Variants in ROBO2 observed in about 807,000 individuals in gnomAD.
The protein encoded by ROBO2 is roundabout guidance receptor 2, also known as roundabout homolog 2.
ROBO2 carries 53 observed loss-of-function variants against 160.8 expected under a neutral mutation model. That is an observed-to-expected ratio of 0.33 (90% CI 0.26 to 0.41). ROBO2 has a LOEUF of 0.41. Among genes scored for constraint, ROBO2 ranks in the 10% least tolerant of loss-of-function variants. The probability of loss-of-function intolerance (pLI) is 1.00; values close to 1 mark genes in which losing one functional copy is unlikely to be tolerated. For synonymous variants in ROBO2, 664 were observed against 611.7 expected (o/e 1.09, Z -1.26); for missense variants, 1,577 against 1,722.4 (o/e 0.92, Z 1.49).
intron 2 of ROBO2, among the ~76,000 whole-genome samples, chr3:77,182,342 A>G (rs552414221): frequency 8.3e-4 from 126 of 152,226 alleles, no homozygotes; most frequent in African/African-American, 2.9e-3. Context: ...AAAAGTATAC[A>G]CAAGTTCCTT....
intron 2 of ROBO2, among the ~76,000 whole-genome samples, chr3:76,329,045 A>G (rs908169241): frequency 6.6e-6 from 1 of 151,788 alleles, no homozygotes; most frequent in Non-Finnish European, 1.5e-5. Flanking sequence ...GGGTCCCCAA[A>G]GGAGGCAACA....
intron 5 of ROBO2, among the ~76,000 whole-genome samples, chr3:77,503,055 A>G (rs2087854748): frequency 6.6e-6 from 1 of 152,104 alleles, no homozygotes; most frequent in African/African-American, 2.4e-5. Context: ...ATATTTTAAA[A>G]TAATTTAAAT....
At chr3:77,293,695 G>C (rs1267200091) in intron 2 of ROBO2, among the ~76,000 whole-genome samples, 1 of 141,336 alleles carries the variant, frequency 7.1e-6, no homozygotes, top group East Asian at 2.0e-4. Context: ...GGAAGTTGAG[G>C]CTAGAACAGT....
intron 2 of ROBO2, among the ~76,000 whole-genome samples, chr3:76,986,219 G>A (rs72902037): frequency 2.0e-5 from 3 of 151,978 alleles, no homozygotes; most frequent in Admixed American, 6.6e-5. Context: ...TATATAGTAC[G>A]CATTGATCGA....
intron 1 of ROBO2, among the ~76,000 whole-genome samples, chr3:77,087,368 A>AT (rs990544001): frequency 5.3e-5 from 8 of 152,184 alleles, no homozygotes; most frequent in Non-Finnish European, 1.0e-4. Flanking sequence ...AACAAGCCAG[A>AT]TTTTAAAGCT....
intron 2 of ROBO2, among the ~76,000 whole-genome samples, chr3:76,081,632 T>G (rs564844869): frequency 6.6e-6 from 1 of 152,252 alleles, no homozygotes; most frequent in African/African-American, 2.4e-5. Context: ...CAGAGAAATT[T>G]TCCATCAGAA....
chr3:76,402,919 C>G (rs551299453), intron 2 of ROBO2, among the ~76,000 whole-genome samples: 2 of 151,714 alleles, frequency 1.3e-5, no homozygotes, highest in South Asian at 4.1e-4. Flanking sequence ...TGCAAAGTCC[C>G]TCTTACTATG....
intron 2 of ROBO2, among the ~76,000 whole-genome samples, chr3:76,718,828 C>G (rs1407020286): frequency 6.6e-6 from 1 of 152,178 alleles, no homozygotes; most frequent in Non-Finnish European, 1.5e-5. Context: ...CACTTGAAAA[C>G]TGAAAACCAT....
At chr3:77,172,862 C>A (rs907451007) in intron 2 of ROBO2, among the ~76,000 whole-genome samples, 1 of 152,228 alleles carries the variant, frequency 6.6e-6, no homozygotes, top group African/African-American at 2.4e-5. Context: ...GGCCCAGGCC[C>A]TCTGGGATGC....
At chr3:76,739,531 G>C (rs1350896810) in intron 2 of ROBO2, among the ~76,000 whole-genome samples, 2 of 151,502 alleles carry the variant, frequency 1.3e-5, no homozygotes, top group Non-Finnish European at 2.9e-5. Flanking sequence ...CCTAATGCTA[G>C]ATGACGAGTT....
At chr3:77,402,802 G>A (rs901822306) in intron 2 of ROBO2, among the ~76,000 whole-genome samples, 4 of 152,002 alleles carry the variant, frequency 2.6e-5, no homozygotes, top group Admixed American at 6.6e-5. Flanking sequence ...GCCGGCACAC[G>A]AAATCCTGAG....
intron 2 of ROBO2, among the ~76,000 whole-genome samples, chr3:76,615,121 C>T (rs1578556426): frequency 6.6e-6 from 1 of 152,096 alleles, no homozygotes; most frequent in Non-Finnish European, 1.5e-5. Context: ...TCACTACATA[C>T]TAAAATTAAG....
chr3:77,071,158 T>C (rs1271993104), intron 1 of ROBO2, among the ~76,000 whole-genome samples: 1 of 152,170 alleles, frequency 6.6e-6, no homozygotes, highest in East Asian at 1.9e-4. Context: ...GTTAGCAGTT[T>C]TATCTACATC....
At chr3:75,973,646 G>GA (rs1165286524) in intron 2 of ROBO2, among the ~76,000 whole-genome samples, 1 of 151,322 alleles carries the variant, frequency 6.6e-6, no homozygotes, top group African/African-American at 2.4e-5. Context: ...TGGAAATTTT[G>GA]AAAAAACAGG....
intron 2 of ROBO2, among the ~76,000 whole-genome samples, chr3:76,564,027 G>A (rs2084364191): frequency 6.6e-6 from 1 of 152,164 alleles, no homozygotes; most frequent in Non-Finnish European, 1.5e-5. Context: ...CCAAAGTGGT[G>A]AAACCCCATC....
intron 2 of ROBO2, among the ~76,000 whole-genome samples, chr3:75,959,453 C>T (rs1167097397): frequency 6.6e-6 from 1 of 151,732 alleles, no homozygotes; most frequent in Non-Finnish European, 1.5e-5. Context: ...GTGCAGTACT[C>T]TTGGTCTCTA....
chr3:77,567,021 G>A (rs2093502739), intron 12 of ROBO2, among the ~76,000 whole-genome samples: 2 of 151,358 alleles, frequency 1.3e-5, no homozygotes, highest in Admixed American at 6.6e-5. Flanking sequence ...ATAGATTAAT[G>A]TTATTCACAT....
chr3:76,294,686 G>A (rs1270950853), intron 2 of ROBO2, among the ~76,000 whole-genome samples: 2 of 152,148 alleles, frequency 1.3e-5, no homozygotes, highest in South Asian at 4.1e-4. Flanking sequence ...CGAAAATGGT[G>A]TATTATGACA....
intron 2 of ROBO2, among the ~76,000 whole-genome samples, chr3:76,855,798 C>T (rs2069998881): frequency 6.6e-6 from 1 of 152,066 alleles, no homozygotes; most frequent in Admixed American, 6.6e-5. Flanking sequence ...GCACATTATA[C>T]CACTGCTTAA....
Sources: gnomAD v4.1 joint callset for allele counts (sites outside exome capture counted in the v4.1 genomes callset) on GRCh38, gnomAD v4.1.1 for gene constraint, MANE v1.5 for transcripts, NCBI Gene and HGNC (gene_info 2026-07-23, HGNC 2026-07-21) for gene names.